Variants in ATG7 observed in about 807,000 individuals in gnomAD.
The protein encoded by ATG7 is autophagy related 7.
In ATG7, 70 loss-of-function variants were observed where a neutral mutation model predicts 82.4. The observed-to-expected ratio is 0.85, with a 90% CI of 0.70 to 1.04. ATG7 has a LOEUF of 1.04. Ranked by LOEUF, ATG7 falls within the 50% of genes least tolerant of loss-of-function variation. ATG7 has a pLI of 0.00. For synonymous variants in ATG7, 287 were observed against 313.0 expected, an observed-to-expected ratio of 0.92 and a Z score of 0.88; for missense variants, 792 against 864.3, an observed-to-expected ratio of 0.92 and a Z score of 1.05.
intron 5 of ATG7, among the ~76,000 whole-genome samples, chr3:11,301,325 A>G (rs1946757331): frequency 6.6e-6 from 1 of 152,176 alleles, no homozygotes; most frequent in Admixed American, 6.5e-5. Flanking sequence ...TTTCTGCTTT[A>G]TTGTACCTCA....
chr3:11,420,052 T>C (rs572692210), intron 19 of ATG7, among the ~76,000 whole-genome samples: 2 of 152,370 alleles, frequency 1.3e-5, no homozygotes, highest in East Asian at 1.9e-4. Context: ...ACTGACAGGT[T>C]CTTGTTCAAA....
chr3:11,391,791 G>T (rs2078820081), intron 19 of ATG7, among the ~76,000 whole-genome samples: 1 of 152,110 alleles, frequency 6.6e-6, no homozygotes, highest in Non-Finnish European at 1.5e-5. Flanking sequence ...TTATGAATTG[G>T]CTAGCAAGAG....
At chr3:11,558,787 G>T (rs750488972), downstream of ATG7, 1 of 1,613,880 alleles carries the variant, frequency 6.2e-7, no homozygotes, top group South Asian at 1.1e-5. Context: ...CCAGGCTCCT[G>T]CGGAAATGCT....
chr3:11,385,241 G>A (rs985726086), intron 19 of ATG7, among the ~76,000 whole-genome samples: 2 of 152,118 alleles, frequency 1.3e-5, no homozygotes, highest in Non-Finnish European at 2.9e-5. Context: ...TGTTGGCCAG[G>A]TTGGTCTCAA....
At chr3:11,428,768 T>G (rs985386162) in intron 20 of ATG7, among the ~76,000 whole-genome samples, 1 of 152,220 alleles carries the variant, frequency 6.6e-6, no homozygotes, top group African/African-American at 2.4e-5. Flanking sequence ...TAAGGAAGTT[T>G]TGCCACCCAG....
intron 20 of ATG7, among the ~76,000 whole-genome samples, chr3:11,490,505 C>A (rs1023253950): frequency 2.0e-5 from 3 of 152,082 alleles, no homozygotes; most frequent in Non-Finnish European, 4.4e-5. Context: ...TGAATTTGAT[C>A]CTGTCATTAT....
At chr3:11,520,730 C>G (rs2092419545) in intron 20 of ATG7, among the ~76,000 whole-genome samples, 1 of 152,216 alleles carries the variant, frequency 6.6e-6, no homozygotes, top group Non-Finnish European at 1.5e-5. Context: ...TTCTGTGGAT[C>G]TGGGCCTTGG....
At chr3:11,465,269 AC>A (rs1471493107) in intron 20 of ATG7, among the ~76,000 whole-genome samples, 1 of 151,612 alleles carries the variant, frequency 6.6e-6, no homozygotes, top group Non-Finnish European at 1.5e-5. Flanking sequence ...ACACGGTGAA[AC>A]CCCATCTCTA....
At chr3:11,273,569 A>C (rs914016004) in intron 1 of ATG7, among the ~76,000 whole-genome samples, 6 of 152,260 alleles carry the variant, frequency 3.9e-5, no homozygotes, top group Non-Finnish European at 5.9e-5. Flanking sequence ...TAACAGTGAC[A>C]GCAAATTTTG....
intron 20 of ATG7, among the ~76,000 whole-genome samples, chr3:11,529,272 GC>G (rs2092647628): frequency 6.6e-6 from 1 of 152,106 alleles, no homozygotes. Context: ...ATAATATATA[GC>G]CCTTTTTGAA....
chr3:11,409,368 G>A (rs78262792), intron 19 of ATG7, among the ~76,000 whole-genome samples: 1,841 of 152,306 alleles, frequency 0.012, 37 homozygotes, highest in African/African-American at 0.042. Context: ...CCACACGATC[G>A]TGAGGGTAAA....
chr3:11,360,808 C>G (rs2076235485), intron 16 of ATG7, 24 bp downstream of exon 16: 1 of 1,612,156 alleles, frequency 6.2e-7, no homozygotes, highest in South Asian at 1.1e-5. Context: ...TCTATAGTTC[C>G]AAATATTTCC....
At chr3:11,385,089 G>A (rs1255186605) in intron 19 of ATG7, among the ~76,000 whole-genome samples, 1 of 152,214 alleles carries the variant, frequency 6.6e-6, no homozygotes, top group African/African-American at 2.4e-5. Context: ...GAGTGCAGTG[G>A]CGTGATCTCA....
At chr3:11,314,167 C>T (rs1273947693) in intron 8 of ATG7, among the ~76,000 whole-genome samples, 1 of 152,102 alleles carries the variant, frequency 6.6e-6, no homozygotes, top group Non-Finnish European at 1.5e-5. Context: ...CAGAGTTAGT[C>T]GGTGACATTT....
chr3:11,423,402 A>C (rs953216463), intron 19 of ATG7, among the ~76,000 whole-genome samples: 1 of 152,238 alleles, frequency 6.6e-6, no homozygotes, highest in African/African-American at 2.4e-5. Flanking sequence ...AGAGACACGA[A>C]GTGAGCACAT....
chr3:11,348,910 T>C (rs1329131884), intron 14 of ATG7, among the ~76,000 whole-genome samples: 1 of 152,068 alleles, frequency 6.6e-6, no homozygotes, highest in Non-Finnish European at 1.5e-5. Flanking sequence ...CATAGAGCGC[T>C]GATTGGTATG....
rs548036528 is a variant in ATG7 at position 11,485,610 on chromosome 3, C to G, written c.2079+58684C>G. On this transcript the variant is annotated intron_variant, in intron 20 of 20. Transcript: ENST00000693202. The stretch of plus-strand genomic sequence containing the variant: ...CTTTTGGTGTTTTAGACATGAAGTT[C>G]TTGCACATGCCTATGTCCTGAATGG... Among the ~76,000 whole-genome samples the G allele has an allele frequency of 1.3e-4, 20 of 152,260 alleles. No individual in the cohort carries two copies. The East Asian group carries it at 3.9e-3, about 29-fold the overall frequency.
At chr3:11,449,386 A>C (rs1164842534) in intron 20 of ATG7, among the ~76,000 whole-genome samples, 1 of 152,166 alleles carries the variant, frequency 6.6e-6, no homozygotes, top group African/African-American at 2.4e-5. Flanking sequence ...CAACAACAAC[A>C]AAAAACCCTG....
At chr3:11,432,814 G>C (rs906207320) in intron 20 of ATG7, among the ~76,000 whole-genome samples, 5 of 152,082 alleles carry the variant, frequency 3.3e-5, no homozygotes, top group Admixed American at 6.5e-5. Context: ...ATAAAGCTCT[G>C]ACCTTTACTT....
Sources: gnomAD v4.1 joint callset for allele counts (sites outside exome capture counted in the v4.1 genomes callset) on GRCh38, gnomAD v4.1.1 for gene constraint, MANE v1.5 for transcripts, NCBI Gene and HGNC (gene_info 2026-07-23, HGNC 2026-07-21) for gene names.